ZNF841: variants seen among roughly 807,000 people sequenced by gnomAD.
ZNF841 encodes the protein zinc finger protein 841.
In ZNF841, 11 loss-of-function variants were observed where a neutral mutation model predicts 13.0. The ratio of observed to expected loss-of-function variants is 0.85; its 90% CI spans 0.53 to 1.40. The LOEUF is 1.40. Among genes scored for constraint, ZNF841 ranks in the 40% most tolerant of loss-of-function variants. ZNF841 has a pLI of 0.00. For missense variants in ZNF841, 1,068 were observed against 1,139.5 expected (o/e 0.94, Z 0.90); for synonymous variants, 369 against 381.6 (o/e 0.97, Z 0.38).
chr19:52,083,368 T>C (rs1046817963), intron 4 of ZNF841, among the ~76,000 whole-genome samples: 6 of 150,180 alleles, frequency 4.0e-5, no homozygotes, highest in Non-Finnish European at 8.9e-5. Flanking sequence ...GATTCCCCAC[T>C]ACCCCAAGTT....
At chr19:52,071,714 C>T (rs1252375488) in intron 6 of ZNF841, among the ~76,000 whole-genome samples, 2 of 151,218 alleles carry the variant, frequency 1.3e-5, no homozygotes, top group African/African-American at 4.9e-5. Context: ...ATAGAAGACA[C>T]ACACAATGGA....
At chr19:52,093,151 C>T (rs1158183775) in intron 2 of ZNF841, among the ~76,000 whole-genome samples, 2 of 152,072 alleles carry the variant, frequency 1.3e-5, no homozygotes, top group Non-Finnish European at 2.9e-5. Flanking sequence ...ATCTGTCCCC[C>T]ATGATCACTA....
At chr19:52,084,762 C>T (rs1398195896) in intron 4 of ZNF841, 25 bp downstream of exon 4, 2 of 1,612,956 alleles carry the variant, frequency 1.2e-6, no homozygotes, top group Admixed American at 3.3e-5. Context: ...GGAGACAGAA[C>T]AATCCACCAA....
rs762975705 is a variant in ZNF841, at chr19:52,065,340, G to A, written c.2542C>T (p.Pro848Ser). The A allele has an allele frequency of 1.9e-6, 3 of 1,608,996 alleles. No homozygotes were observed. Among genetic ancestry groups the A allele is most frequent in the Non-Finnish European group, 2.5e-6 (3 of 1,177,262 alleles). ...YHQRNHTGEK[P>S]YKCMECGKAF... ...TTGCCACATTCCATACATTTGTATG[G>A]CTTCTCTCCAGTATGGTTTCTCTGA... Residue 848 changes from proline to serine, a missense_variant, in exon 7 of 7, where the codon CCA becomes TCA. Pro to Ser is a moderately conservative substitution (Grantham distance 74). Transcript: ENST00000594440.
chr19:52,068,481 C>T (rs991810156), intron 6 of ZNF841, among the ~76,000 whole-genome samples: 2 of 151,866 alleles, frequency 1.3e-5, no homozygotes, highest in African/African-American at 4.8e-5. Context: ...TCAAGACTAG[C>T]TTGGCCAACA....
chr19:52,093,765 A>G (rs752703304), intron 2 of ZNF841, 81 bp downstream of exon 2: 11 of 152,218 alleles, frequency 7.2e-5, no homozygotes, highest in Non-Finnish European at 1.2e-4. Flanking sequence ...ATAACAATTA[A>G]TTAACTGTAA....
At chr19:52,062,542 T>G (rs554234852), downstream of ZNF841, among the ~76,000 whole-genome samples, 1 of 152,222 alleles carries the variant, frequency 6.6e-6, no homozygotes, top group African/African-American at 2.4e-5. Context: ...CCACACCTAA[T>G]GAAGCAGGCC....
chr19:52,088,511 C>A (rs1223324567), intron 3 of ZNF841, among the ~76,000 whole-genome samples: 1 of 152,014 alleles, frequency 6.6e-6, no homozygotes. Flanking sequence ...TTAAAATGTA[C>A]CAAATTTATA....
At chr19:52,085,128 T>G (rs1032098597) in intron 3 of ZNF841, among the ~76,000 whole-genome samples, 2 of 152,074 alleles carry the variant, frequency 1.3e-5, no homozygotes, top group Non-Finnish European at 2.9e-5. Flanking sequence ...ATGCTTCCCT[T>G]CAGGACACAG....
At chr19:52,091,443 A>G (rs1403578016) in intron 2 of ZNF841, among the ~76,000 whole-genome samples, 1 of 152,226 alleles carries the variant, frequency 6.6e-6, no homozygotes, top group Admixed American at 6.5e-5. Flanking sequence ...ATTTCAAACT[A>G]TATTATAAAG....
intron 4 of ZNF841, among the ~76,000 whole-genome samples, chr19:52,079,845 G>A (rs529463799): frequency 6.6e-6 from 1 of 152,100 alleles, no homozygotes; most frequent in East Asian, 1.9e-4. Context: ...TACAAAATTA[G>A]CCGAGCATGG....
rs2087523390 is a variant in ZNF841, at chr19:52,065,593, T to C, written c.2289A>G (p.Lys763=). 6.2e-7 allele frequency: 1 copy of C among 1,613,412 alleles called. No homozygotes were observed. The highest frequency in any genetic ancestry group is 1.3e-5 in the African/African-American group (1 of 74,816). The change falls in exon 7 of 7, where the codon AAA becomes AAG. Residue 763 remains lysine, a synonymous_variant. Coordinates refer to ENST00000594440, the MANE Select transcript of ZNF841 (RefSeq NM_001136499.2). Reference sequence around the variant, plus strand: ...TGCCACATTCATTACATTTGTAAGGTTTCTCTCCAGTATGAATTCTCCGAT... The same window carrying C: ...TGCCACATTCATTACATTTGTAAGGCTTCTCTCCAGTATGAATTCTCCGAT... The part of the protein sequence containing the change: ...ARHRRIHTGE[K]PYKCNECGKV...
rs770261953 is a variant in ZNF841, at chr19:52,067,360, G to T, written c.522C>A (p.Asp174Glu). The T allele has an allele frequency of 1.3e-6, 2 of 1,550,160 alleles. No individual in the cohort carries two copies. Among genetic ancestry groups the T allele is most frequent in the Non-Finnish European group, 1.7e-6 (2 of 1,146,476 alleles). The change falls in exon 7 of 7, where the codon GAC (aspartate) becomes GAA (glutamate). Residue 174 changes from aspartate (D) to glutamate (E), a missense_variant. Asp to Glu is a conservative substitution (Grantham distance 45). Transcript: ENST00000594440. ...GATTTTCCATATGCTTGTTTTCTAC[G>T]TCCCCTTGACTATGTCGAACTCTTT... Reference protein sequence around the residue: ...TGQRVRHSQGDVENKHMENQL... With the variant: ...TGQRVRHSQGEVENKHMENQL...
At chr19:52,079,431 T>TA (rs35306980) in intron 4 of ZNF841, among the ~76,000 whole-genome samples, 5,120 of 82,632 alleles carry the variant, frequency 0.062, 222 homozygotes, top group African/African-American at 0.15. Flanking sequence ...AGGAAATCTG[T>TA]AAAAAAAAAA....
downstream of ZNF841, chr19:52,063,659 T>G (rs2087443416): frequency 1.3e-5 from 2 of 152,202 alleles, no homozygotes. Flanking sequence ...ATTTGATTTT[T>G]AAAAAGGCTT....
At chr19:52,062,407 ACT>A (rs2087419382), downstream of ZNF841, among the ~76,000 whole-genome samples, 1 of 152,146 alleles carries the variant, frequency 6.6e-6, no homozygotes, top group Admixed American at 6.5e-5. Flanking sequence ...GTCAAAGGAC[ACT>A]CTGAACACAA....
At chr19:52,071,425 G>A (rs148054849) in intron 6 of ZNF841, among the ~76,000 whole-genome samples, 172 of 152,254 alleles carry the variant, frequency 1.1e-3, no homozygotes, top group African/African-American at 3.9e-3. Flanking sequence ...GTACAAGAAC[G>A]TTAAGGAGAC....
intron 6 of ZNF841, among the ~76,000 whole-genome samples, chr19:52,072,419 T>A (rs1164409024): frequency 6.6e-6 from 1 of 152,038 alleles, no homozygotes; most frequent in Non-Finnish European, 1.5e-5. Flanking sequence ...AAAAGAAATA[T>A]CGGAAAAGAA....
chr19:52,093,462 G>A (rs1218486021), intron 2 of ZNF841, among the ~76,000 whole-genome samples: 2 of 152,130 alleles, frequency 1.3e-5, no homozygotes, highest in Non-Finnish European at 1.5e-5. Context: ...AGGCTGCTGG[G>A]GGGTGAAAAT....
Sources: allele counts gnomAD v4.1 joint callset (sites outside exome capture counted in the v4.1 genomes callset), GRCh38; gene constraint gnomAD v4.1.1; transcripts MANE v1.5; gene names NCBI Gene and HGNC (gene_info 2026-07-23, HGNC 2026-07-21).